Variants in MARCHF7 observed in about 807,000 individuals in gnomAD.
MARCHF7 encodes the protein membrane associated ring-CH-type finger 7.
A neutral mutation model predicts 76.5 loss-of-function variants in MARCHF7; 20 were observed. The observed-to-expected ratio is 0.26, with a 90% CI of 0.18 to 0.38. The LOEUF (loss-of-function observed/expected upper bound fraction) is 0.38, where lower values mean the gene tolerates loss of function less well. MARCHF7 is among the 10% of genes least tolerant of loss of function. The pLI, the probability that MARCHF7 is intolerant of heterozygous loss-of-function variation, is 1.00. For missense variants in MARCHF7, 797 were observed against 812.9 expected, an observed-to-expected ratio of 0.98 and a Z score of 0.24; for synonymous variants, 295 against 293.0, an observed-to-expected ratio of 1.01 and a Z score of -0.07.
At position 159,748,814 on chromosome 2, in the gene MARCHF7, T is replaced by C; in HGVS notation, c.1524T>C (p.Pro508=). Residue 508 remains proline, a synonymous_variant, in exon 7 of 12, where the codon CCT becomes CCC. Coordinates refer to ENST00000409175, the MANE Select transcript of MARCHF7 (RefSeq NM_001282805.2). Reference sequence around the variant, plus strand: ...TCATGATCACAGTAGATATTATTCCTTCAGGTTGGAATTCAGCTGATGGTA... The same window carrying C: ...TCATGATCACAGTAGATATTATTCCCTCAGGTTGGAATTCAGCTGATGGTA... ...DNVMITVDII[P]SGWNSADGKS... The C allele has an allele frequency of 1.2e-6, 2 of 1,614,176 alleles. No homozygotes were observed. Among genetic ancestry groups the C allele is most frequent in the Non-Finnish European group, 1.7e-6 (2 of 1,180,040 alleles).
rs1319562426 is a variant in MARCHF7, at chr2:159,732,939, CTT to C, written c.153+3765_153+3766del. The C allele has an allele frequency of 8.1e-6, 8 of 984,712 alleles. No individual in the cohort carries two copies. The African/African-American group carries it at 1.4e-4, about 17-fold the overall frequency. The allele number at this position is 984,712 out of a possible 1,614,324, so 61.0% of individuals were successfully genotyped here. A position where few individuals can be genotyped will look rare whatever the true frequency, so the allele number is the denominator to read the frequency against. ...ATGTAAGATGAACAAGATTGTTCATCTTAATTGTTAAGATTAATTGAAAGAAA... is the reference window on the plus strand; with the variant it reads ...ATGTAAGATGAACAAGATTGTTCATCAATTGTTAAGATTAATTGAAAGAAA... On this transcript the variant is annotated intron_variant, in intron 4 of 11. Coordinates refer to ENST00000409175, the MANE Select transcript of MARCHF7 (RefSeq NM_001282805.2).
Position 159,759,410 on chromosome 2 carries a change from C to G in MARCHF7, c.1893+75C>G. Reference sequence around the variant, plus strand: ...ACAGCTCTTGAAGAAAAGATTAAATCATGGTCAGAAACCTTGCATTAAAAT... The same window carrying G: ...ACAGCTCTTGAAGAAAAGATTAAATGATGGTCAGAAACCTTGCATTAAAAT... On this transcript the variant is annotated intron_variant, in intron 9 of 11. Coordinates refer to ENST00000409175, the MANE Select transcript of MARCHF7 (RefSeq NM_001282805.2). The G allele has an allele frequency of 4.4e-6, 3 of 678,326 alleles. No homozygotes were observed. The South Asian group carries it at 6.9e-5, about 16-fold the overall frequency. The allele number at this position is 678,326 out of a possible 1,614,324, so 42.0% of individuals were successfully genotyped here.
At chr2:159,747,428 T>A (rs1188417749) in intron 6 of MARCHF7, among the ~76,000 whole-genome samples, 1 of 152,116 alleles carries the variant, frequency 6.6e-6, no homozygotes. Flanking sequence ...ATTTTAAGAG[T>A]CATTTACATT....
At chr2:159,753,459 T>C (rs529297331) in intron 8 of MARCHF7, among the ~76,000 whole-genome samples, 1 of 151,372 alleles carries the variant, frequency 6.6e-6, no homozygotes, top group South Asian at 2.1e-4. Context: ...TAGTCCCAGC[T>C]AGAATGGCAT....
At chr2:159,745,430 G>A (rs968409030) in intron 5 of MARCHF7, among the ~76,000 whole-genome samples, 5 of 152,124 alleles carry the variant, frequency 3.3e-5, no homozygotes, top group African/African-American at 7.2e-5. Flanking sequence ...CGGGGTGGGC[G>A]GATCACTAGA....
intron 3 of MARCHF7, among the ~76,000 whole-genome samples, chr2:159,726,950 T>C (rs1414500111): frequency 6.6e-6 from 1 of 152,234 alleles, no homozygotes; most frequent in Admixed American, 6.5e-5. Context: ...AAAGATTTGC[T>C]GCCTAGAAAC....
chr2:159,720,926 C>T (rs1381070036), intron 3 of MARCHF7, among the ~76,000 whole-genome samples: 2 of 152,246 alleles, frequency 1.3e-5, no homozygotes, highest in South Asian at 2.1e-4. Context: ...GGCATGATCT[C>T]GGCTCTCTGC....
chr2:159,743,529 C>A (rs1232995564), intron 5 of MARCHF7, among the ~76,000 whole-genome samples: 1 of 151,950 alleles, frequency 6.6e-6, no homozygotes, highest in African/African-American at 2.4e-5. Context: ...TGTATGTATT[C>A]TTTTGGTTAT....
At position 159,766,009 on chromosome 2, in the gene MARCHF7, T is replaced by C. The variant is rs142059701; in HGVS notation, c.2057-1275T>C. Among the ~76,000 whole-genome samples, 225 of 152,262 alleles carry C rather than the reference T, an allele frequency of 1.5e-3. 1 individual carries two copies. Among genetic ancestry groups the C allele is most frequent in the African/African-American group, 5.1e-3 (213 of 41,524 alleles). ...ATTTCTCCATTTTAAAAAACTAACA[T>C]TCTCGTTTAAAATTTAGTTTCTTAA... On this transcript the variant is annotated intron_variant, in intron 11 of 11. Coordinates refer to ENST00000409175, the MANE Select transcript of MARCHF7 (RefSeq NM_001282805.2).
In MARCHF7 at chr2:159,757,990, TAAA is replaced by T. The variant is rs1706548374; in HGVS notation, c.1784-1232_1784-1230del. 3.3e-5 allele frequency among the ~76,000 whole-genome samples: 5 copies of T among 152,320 alleles called. No individual in the cohort carries two copies. In the South Asian group the frequency reaches 1.0e-3, roughly 32 times the overall value. On this transcript the variant is annotated intron_variant, in intron 8 of 11. Transcript: ENST00000409175. ...TGGACCTTATGCCAAATTTTACTCTTAAAAAATTCTGACACTGGTTATTAGAGT... is the reference window on the plus strand; with the variant it reads ...TGGACCTTATGCCAAATTTTACTCTTAAATTCTGACACTGGTTATTAGAGT...
chr2:159,749,965 CTT>C (rs893030573), intron 7 of MARCHF7, among the ~76,000 whole-genome samples: 1 of 152,130 alleles, frequency 6.6e-6, no homozygotes, highest in Non-Finnish European at 1.5e-5. Context: ...CACTGCAAAT[CTT>C]TTTTTGGAAT....
intron 3 of MARCHF7, among the ~76,000 whole-genome samples, chr2:159,727,809 A>G (rs1333475395): frequency 6.6e-6 from 1 of 152,242 alleles, no homozygotes; most frequent in African/African-American, 2.4e-5. Flanking sequence ...GAAGTTGGAC[A>G]CAAAAGAGTA....
chr2:159,756,027 T>A (rs1454651277), intron 8 of MARCHF7, among the ~76,000 whole-genome samples: 2 of 152,172 alleles, frequency 1.3e-5, no homozygotes, highest in African/African-American at 4.8e-5. Flanking sequence ...CTGAGCTATA[T>A]GGTGTTACAG....
chr2:159,759,503 A>AT (rs5835757), intron 9 of MARCHF7, 168 bp downstream of exon 9: 21,110 of 300,036 alleles, frequency 0.07, 385 homozygotes, highest in East Asian at 0.17. Flanking sequence ...GAATTTCATA[A>AT]TTTTTTTTTT....
intron 10 of MARCHF7, among the ~76,000 whole-genome samples, chr2:159,763,576 C>A (rs1430398751): frequency 6.6e-6 from 1 of 152,150 alleles, no homozygotes; most frequent in Non-Finnish European, 1.5e-5. Context: ...AAACTTTATG[C>A]TTTGCTGTCT....
At chr2:159,725,429 A>G (rs895167263) in intron 3 of MARCHF7, among the ~76,000 whole-genome samples, 1 of 152,156 alleles carries the variant, frequency 6.6e-6, no homozygotes, top group Non-Finnish European at 1.5e-5. Flanking sequence ...TTCTCTGATG[A>G]CCAGTGATGA....
rs760252392 is a variant in MARCHF7 at position 159,748,239 on chromosome 2, T to C, written c.949T>C (p.Ser317Pro). ...ATTGAATTCTGAAAATTCTTACGTT[T>C]CTCCAAGAATCTTGACAGCTTCACA... Reference protein sequence around the residue: ...RSLNSENSYVSPRILTASQSR... With the variant: ...RSLNSENSYVPPRILTASQSR... Residue 317 changes from serine to proline, a missense_variant, in exon 7 of 12, where the codon TCT becomes CCT. Physicochemically the swap from Ser to Pro is moderately conservative, Grantham distance 74. This residue lies in a region of MARCHF7 where 643 missense variants were observed against 631.5 expected (regional missense o/e 1.02). Transcript: ENST00000409175. The C allele has an allele frequency of 1.2e-6, 2 of 1,613,856 alleles. No homozygotes were observed. The highest frequency in any genetic ancestry group is 4.5e-5 in the East Asian group (2 of 44,880).
chr2:159,725,546 C>T (rs373443983), intron 3 of MARCHF7, among the ~76,000 whole-genome samples: 22 of 152,042 alleles, frequency 1.4e-4, no homozygotes, highest in Middle Eastern at 6.8e-3. Context: ...TTTTTTCTTA[C>T]GAATTTAAGT....
intron 7 of MARCHF7, among the ~76,000 whole-genome samples, chr2:159,750,219 T>G (rs1387846140): frequency 1.3e-5 from 2 of 152,186 alleles, no homozygotes; most frequent in African/African-American, 4.8e-5. Context: ...TCTTTAGATA[T>G]TAGTATTTAA....
Sources: gnomAD v4.1 joint callset for allele counts (sites outside exome capture counted in the v4.1 genomes callset) on GRCh38, gnomAD v4.1.1 for gene constraint, gnomAD v4.1.1 regional missense constraint, MANE v1.5 for transcripts, NCBI Gene and HGNC (gene_info 2026-07-23, HGNC 2026-07-21) for gene names.